Variants in TNFRSF21 observed in about 807,000 individuals in gnomAD.
TNFRSF21 encodes TNF receptor superfamily member 21.
TNFRSF21 carries 19 observed loss-of-function variants against 45.6 expected under a neutral mutation model. The ratio of observed to expected loss-of-function variants is 0.42; its 90% CI spans 0.29 to 0.61. The LOEUF (loss-of-function observed/expected upper bound fraction) is 0.61. Among genes scored for constraint, TNFRSF21 ranks in the 20% least tolerant of loss-of-function variants. The probability of loss-of-function intolerance (pLI) is 0.23; values close to 1 mark genes in which losing one functional copy is unlikely to be tolerated. For synonymous variants in TNFRSF21, 314 were observed against 335.5 expected (o/e 0.94, Z 0.70); for missense variants, 737 against 851.5 (o/e 0.87, Z 1.67).
rs562003966 is a variant in TNFRSF21 at position 47,257,155 on chromosome 6, A to T, written c.1244-3634T>A. ...GTAATTACAGAGTTTAAAAGGTTTA[A>T]GTTTAACAACCCCTCCTTCCAAAAC... On this transcript the variant is annotated intron_variant, in intron 3 of 5. Coordinates refer to ENST00000296861, the MANE Select transcript of TNFRSF21 (RefSeq NM_014452.5). Among the ~76,000 whole-genome samples the T allele has an allele frequency of 2.7e-4, 41 of 152,300 alleles. 1 individual carries two copies. The South Asian group carries it at 7.5e-3, about 28-fold the overall frequency.
At chr6:47,269,856 T>A (rs759135995) in intron 3 of TNFRSF21, among the ~76,000 whole-genome samples, 31 of 152,334 alleles carry the variant, frequency 2.0e-4, no homozygotes, top group Non-Finnish European at 3.7e-4. Context: ...AGCCACCTTC[T>A]TCCCAGCAGA....
At chr6:47,298,052 G>C (rs561920662) in intron 1 of TNFRSF21, among the ~76,000 whole-genome samples, 111 of 152,206 alleles carry the variant, frequency 7.3e-4, no homozygotes, top group Non-Finnish European at 1.4e-3. Flanking sequence ...TAGCAAATGA[G>C]AAAACACAAG....
chr6:47,236,039 G>A (rs558533762), intron 4 of TNFRSF21, among the ~76,000 whole-genome samples: 13 of 152,294 alleles, frequency 8.5e-5, no homozygotes, highest in African/African-American at 3.1e-4. Context: ...TACTGGGGGT[G>A]TGCAGTGGAG....
intron 3 of TNFRSF21, among the ~76,000 whole-genome samples, chr6:47,255,378 C>T (rs1448284387): frequency 6.6e-6 from 1 of 152,092 alleles, no homozygotes; most frequent in Non-Finnish European, 1.5e-5. Flanking sequence ...ATGTGGGATG[C>T]ATATATCACC....
intron 1 of TNFRSF21, among the ~76,000 whole-genome samples, chr6:47,296,461 T>A (rs997090649): frequency 2.8e-4 from 42 of 152,140 alleles, no homozygotes; most frequent in African/African-American, 1.0e-3. Flanking sequence ...GTGTCTTTTG[T>A]ATGCTAATGA....
At chr6:47,294,294 C>T (rs1762767163) in intron 1 of TNFRSF21, among the ~76,000 whole-genome samples, 1 of 152,178 alleles carries the variant, frequency 6.6e-6, no homozygotes, top group African/African-American at 2.4e-5. Flanking sequence ...CAGGGGCACG[C>T]CACCATGCCC....
chr6:47,269,143 T>C (rs965449239), intron 3 of TNFRSF21, among the ~76,000 whole-genome samples: 2 of 152,156 alleles, frequency 1.3e-5, no homozygotes, highest in South Asian at 2.1e-4. Context: ...TCATCTTCTG[T>C]ATAATGAGAG....
intron 3 of TNFRSF21, among the ~76,000 whole-genome samples, chr6:47,256,717 T>C (rs1764993588): frequency 1.3e-5 from 2 of 152,174 alleles, no homozygotes; most frequent in Admixed American, 1.3e-4. Flanking sequence ...CATAACTGAT[T>C]TTAAACCCTG....
intron 4 of TNFRSF21, among the ~76,000 whole-genome samples, chr6:47,246,280 T>A (rs1282611134): frequency 6.6e-6 from 1 of 152,110 alleles, no homozygotes; most frequent in African/African-American, 2.4e-5. Context: ...TGCTGTCAAG[T>A]CAAAAAAAGG....
chr6:47,285,484 G>A (rs552218061), intron 2 of TNFRSF21, among the ~76,000 whole-genome samples: 7 of 151,930 alleles, frequency 4.6e-5, no homozygotes, highest in Admixed American at 2.6e-4. Flanking sequence ...TTCATCTCTC[G>A]CTTCCGGATG....
chr6:47,300,368 A>G (rs1271673247), intron 1 of TNFRSF21, among the ~76,000 whole-genome samples: 1 of 151,984 alleles, frequency 6.6e-6, no homozygotes, highest in Non-Finnish European at 1.5e-5. Flanking sequence ...TCTCTCCAAA[A>G]TTTCTATCTA....
chr6:47,283,855 C>T (rs1762606253), intron 3 of TNFRSF21, 83 bp downstream of exon 3: 2 of 1,519,900 alleles, frequency 1.3e-6, no homozygotes, highest in African/African-American at 1.4e-5. Flanking sequence ...ACAAACTACG[C>T]ATTCCCATTC....
intron 3 of TNFRSF21, among the ~76,000 whole-genome samples, chr6:47,256,758 T>C (rs1316587847): frequency 6.6e-6 from 1 of 152,206 alleles, no homozygotes; most frequent in Non-Finnish European, 1.5e-5. Context: ...GCCAGCTCTT[T>C]GTGATTGATG....
intron 3 of TNFRSF21, among the ~76,000 whole-genome samples, chr6:47,255,950 G>C (rs1394322000): frequency 3.3e-5 from 5 of 151,980 alleles, no homozygotes; most frequent in African/African-American, 1.2e-4. Context: ...CTCAATCAAA[G>C]GTTTCCTAGA....
chr6:47,275,297 C>T (rs1484427330), intron 3 of TNFRSF21, among the ~76,000 whole-genome samples: 2 of 152,128 alleles, frequency 1.3e-5, no homozygotes, highest in East Asian at 1.9e-4. Context: ...AAATGTGGCA[C>T]ATATACACCA....
chr6:47,297,510 C>CTTTTTTTTTTTTTTT (rs55690288), intron 1 of TNFRSF21, among the ~76,000 whole-genome samples: 27 of 117,456 alleles, frequency 2.3e-4, no homozygotes, highest in East Asian at 1.1e-3. Context: ...TCTCTTTTTA[C>CTTTTTTTTTTTTTTT]TTTTTTTTTT....
At chr6:47,239,186 T>C (rs1251419885) in intron 4 of TNFRSF21, among the ~76,000 whole-genome samples, 1 of 148,044 alleles carries the variant, frequency 6.8e-6, no homozygotes, top group Non-Finnish European at 1.5e-5. Context: ...CTCAGGAGGC[T>C]GAGGCAGGAG....
At chr6:47,258,225 C>T (rs899909644) in intron 3 of TNFRSF21, among the ~76,000 whole-genome samples, 1 of 151,730 alleles carries the variant, frequency 6.6e-6, no homozygotes, top group Non-Finnish European at 1.5e-5. Context: ...AAAAAATTAG[C>T]GAGGCGTGGT....
intron 3 of TNFRSF21, among the ~76,000 whole-genome samples, chr6:47,260,843 A>G (rs1177326262): frequency 1.3e-5 from 2 of 152,230 alleles, no homozygotes; most frequent in African/African-American, 4.8e-5. Context: ...CAAACTCATC[A>G]TATAAAAAGA....
Sources: gnomAD v4.1 joint callset for allele counts (sites outside exome capture counted in the v4.1 genomes callset) on GRCh38, gnomAD v4.1.1 for gene constraint, MANE v1.5 for transcripts, NCBI Gene and HGNC (gene_info 2026-07-23, HGNC 2026-07-21) for gene names.